The following FUT8 variants were observed in gnomAD, a reference collection of about 807,000 sequenced individuals.
FUT8 encodes the protein fucosyltransferase 8, also known as alpha-(1,6)-fucosyltransferase.
A neutral mutation model predicts 71.3 loss-of-function variants in FUT8; 29 were observed. The observed-to-expected ratio is 0.41, with a 90% confidence interval of 0.30 to 0.55. FUT8 has a LOEUF of 0.55. FUT8 is among the 20% of genes least tolerant of loss of function. The pLI is 0.34. For synonymous variants in FUT8, 254 were observed against 239.3 expected (o/e 1.06, Z -0.57); for missense variants, 544 against 702.1 (o/e 0.77, Z 2.55).
At chr14:65,727,743 C>T (rs935221350) in intron 9 of FUT8, among the ~76,000 whole-genome samples, 1 of 152,198 alleles carries the variant, frequency 6.6e-6, no homozygotes, top group Non-Finnish European at 1.5e-5. Context: ...TTGAATTTCT[C>T]CTCAGAAAAT....
At chr14:65,674,283 G>A (rs1433177005) in intron 7 of FUT8, among the ~76,000 whole-genome samples, 1 of 152,130 alleles carries the variant, frequency 6.6e-6, no homozygotes, top group East Asian at 1.9e-4. Context: ...ATCTGAGGGA[G>A]AGGAAGGATA....
the FUT8 span, among the ~76,000 whole-genome samples, chr14:65,402,722 A>G: frequency 1.3e-5 from 2 of 152,020 alleles, no homozygotes; most frequent in Non-Finnish European, 2.9e-5. Flanking sequence ...CTGGTCTCCA[A>G]CTCCTGGGCT....
chr14:65,455,528 T>C, intron 1 of FUT8, 93 bp from the exon 2 acceptor site: 1 of 395,056 alleles, frequency 2.5e-6, no homozygotes, highest in African/African-American at 2.1e-5. Flanking sequence ...ACTGGCTACA[T>C]AAAGAAAAGT....
rs940590571 is a variant in FUT8, at chr14:65,744,021, C to T, written c.*1611C>T. ...CACCAAACTTAACTAAATTCTTTTT[C>T]TCAAGTCAAGCCTCCCAAAGAAAAA... On this transcript the variant is annotated 3_prime_UTR_variant, in exon 11 of 11. Transcript: ENST00000673929. 4 of 151,818 alleles carry T rather than the reference C, an allele frequency of 2.6e-5. No homozygotes were observed. Among genetic ancestry groups the T allele is most frequent in the Admixed American group, 6.6e-5 (1 of 15,230 alleles). The allele number at this position is 151,818 out of a possible 1,614,324, so 9.4% of individuals were successfully genotyped here. A position where few individuals can be genotyped will look rare whatever the true frequency, so the allele number is the denominator to read the frequency against.
chr14:65,387,919 G>A, the FUT8 span, among the ~76,000 whole-genome samples: 1 of 152,150 alleles, frequency 6.6e-6, no homozygotes, highest in African/African-American at 2.4e-5. Flanking sequence ...AGGGGATGAG[G>A]AGGTATGTTT....
chr14:65,434,427 C>CCACACAA (rs1360356794), intron 1 of FUT8, among the ~76,000 whole-genome samples: 16 of 152,328 alleles, frequency 1.1e-4, no homozygotes, highest in African/African-American at 3.6e-4. Context: ...GGGGAATTGT[C>CCACACAA]GTTGACATTA....
At chr14:65,513,825 A>T (rs956236741) in intron 2 of FUT8, among the ~76,000 whole-genome samples, 1 of 152,192 alleles carries the variant, frequency 6.6e-6, no homozygotes, top group Admixed American at 6.5e-5. Flanking sequence ...GAACAGTAGT[A>T]TTTAAGCCTT....
At chr14:65,451,243 G>A (rs537271017) in intron 1 of FUT8, among the ~76,000 whole-genome samples, 27 of 152,340 alleles carry the variant, frequency 1.8e-4, no homozygotes, top group Admixed American at 1.2e-3. Context: ...GAAACCAGCC[G>A]GCTGCTTTGG....
the FUT8 span, among the ~76,000 whole-genome samples, chr14:65,402,492 C>A: frequency 6.6e-6 from 1 of 151,464 alleles, no homozygotes; most frequent in African/African-American, 2.4e-5. Context: ...CACGGTGAAA[C>A]CCCGTCTCTA....
chr14:65,442,227 G>C (rs1023248887), intron 1 of FUT8, among the ~76,000 whole-genome samples: 3 of 151,116 alleles, frequency 2.0e-5, no homozygotes, highest in Admixed American at 1.3e-4. Flanking sequence ...CCAGGCTGGA[G>C]TGCAGTGGCG....
intron 10 of FUT8, among the ~76,000 whole-genome samples, chr14:65,735,229 T>G (rs199721713): frequency 6.9e-6 from 1 of 145,070 alleles, no homozygotes; most frequent in African/African-American, 2.5e-5. Flanking sequence ...ATTTTTTTTT[T>G]CCTTTTTGAA....
At chr14:65,702,858 C>T (rs891672996) in intron 7 of FUT8, among the ~76,000 whole-genome samples, 1 of 152,014 alleles carries the variant, frequency 6.6e-6, no homozygotes, top group Non-Finnish European at 1.5e-5. Context: ...CCTGCCTCAG[C>T]TACTCAGCCT....
the FUT8 span, among the ~76,000 whole-genome samples, chr14:65,360,403 T>C: frequency 6.6e-6 from 1 of 152,226 alleles, no homozygotes; most frequent in East Asian, 1.9e-4. Flanking sequence ...AGACAAACAT[T>C]CCAAGCTTTT....
Position 65,549,975 on chromosome 14 carries a change from C to T in FUT8, c.-227-11362C>T, listed in dbSNP as rs373195150. ...ACTTGGGAGGCTGAGGCAGGAGAAT[C>T]GCTTGAACCCAGGAGTTGGAGGTTG... is the stretch of plus-strand genomic sequence containing the variant. On this transcript the variant is annotated intron_variant, in intron 2 of 10. Coordinates refer to ENST00000673929, the MANE Select transcript of FUT8 (RefSeq NM_001371533.1). Among the ~76,000 whole-genome samples the T allele has an allele frequency of 2.0e-4, 31 of 152,224 alleles. 3 individuals are homozygous for T. The highest frequency in any genetic ancestry group is 5.8e-4 in the African/African-American group (24 of 41,542).
At chr14:65,485,993 A>C (rs1250787244) in intron 2 of FUT8, among the ~76,000 whole-genome samples, 1 of 152,158 alleles carries the variant, frequency 6.6e-6, no homozygotes, top group Non-Finnish European at 1.5e-5. Flanking sequence ...CTTTTAAGTG[A>C]GAGGACAAAC....
chr14:65,537,943 A>G (rs986443781), intron 2 of FUT8, among the ~76,000 whole-genome samples: 6 of 152,146 alleles, frequency 3.9e-5, no homozygotes, highest in African/African-American at 7.2e-5. Flanking sequence ...AACGGGATCT[A>G]TCCTTGTTCG....
At chr14:65,580,619 G>C (rs1182254962) in intron 3 of FUT8, among the ~76,000 whole-genome samples, 2 of 151,890 alleles carry the variant, frequency 1.3e-5, no homozygotes, top group African/African-American at 4.8e-5. Context: ...GATAGGTATT[G>C]GTAGCTTCCA....
chr14:65,673,760 A>G (rs1892583709), intron 7 of FUT8, among the ~76,000 whole-genome samples: 1 of 152,164 alleles, frequency 6.6e-6, no homozygotes, highest in African/African-American at 2.4e-5. Context: ...CTTCACTAAA[A>G]CTGACAGGTT....
In FUT8 at chr14:65,650,247, C is replaced by T. The variant is rs576670022; in HGVS notation, c.598-18996C>T. Among the ~76,000 whole-genome samples the T allele has an allele frequency of 6.3e-5, 8 of 126,372 alleles. No individual in the cohort carries two copies. In the South Asian group the frequency reaches 1.3e-3, roughly 20 times the overall value. The allele number at this position is 126,372 out of a possible 152,430, so 82.9% of individuals were successfully genotyped here. ...CTGGGAGGCGGAGCTTGCAGTGAGC[C>T]GAGATCGTGCCACTGCACTCCAGCC... is the stretch of plus-strand genomic sequence containing the variant. On this transcript the variant is annotated intron_variant, in intron 6 of 10. Transcript: ENST00000673929.
Sources: allele counts gnomAD v4.1 joint callset (sites outside exome capture counted in the v4.1 genomes callset), GRCh38; gene constraint gnomAD v4.1.1; transcripts MANE v1.5; gene names NCBI Gene and HGNC (gene_info 2026-07-23, HGNC 2026-07-21).